OTUD7A: variants seen among roughly 807,000 people sequenced by gnomAD.
The protein encoded by OTUD7A is OTU deubiquitinase 7A.
Under a neutral mutation model 65.7 loss-of-function variants are expected in OTUD7A, and 12 were observed. The ratio of observed to expected loss-of-function variants is 0.18; its 90% CI spans 0.12 to 0.30. The LOEUF is 0.30. Among genes scored for constraint, OTUD7A ranks in the 10% least tolerant of loss-of-function variants. OTUD7A has a pLI of 1.00. For missense variants in OTUD7A, 1,148 were observed against 1,304.8 expected (o/e 0.88, Z 1.85); for synonymous variants, 641 against 586.3 (o/e 1.09, Z -1.35).
intron 1 of OTUD7A, among the ~76,000 whole-genome samples, chr15:31,796,070 C>A (rs1895945143): frequency 6.6e-6 from 1 of 151,998 alleles, no homozygotes; most frequent in African/African-American, 2.4e-5. Context: ...GCAGGGATCA[C>A]CACCATATGC....
chr15:31,737,986 T>C (rs966876135), intron 1 of OTUD7A, among the ~76,000 whole-genome samples: 3 of 152,250 alleles, frequency 2.0e-5, no homozygotes, highest in South Asian at 4.1e-4. Flanking sequence ...TAGTATCTGT[T>C]AGCTCAAGGA....
At chr15:31,652,373 GA>G (rs1200266813) in intron 3 of OTUD7A, among the ~76,000 whole-genome samples, 1 of 152,176 alleles carries the variant, frequency 6.6e-6, no homozygotes, top group Non-Finnish European at 1.5e-5. Flanking sequence ...TGTAAAACAT[GA>G]AAGTATAAAA....
intron 1 of OTUD7A, among the ~76,000 whole-genome samples, chr15:31,829,109 G>C (rs1232310188): frequency 2.0e-5 from 3 of 152,220 alleles, no homozygotes; most frequent in Non-Finnish European, 4.4e-5. Flanking sequence ...ACAGAAAGGT[G>C]AACACAGGCA....
At chr15:31,816,816 A>G (rs1896561452) in intron 1 of OTUD7A, among the ~76,000 whole-genome samples, 1 of 152,252 alleles carries the variant, frequency 6.6e-6, no homozygotes, top group African/African-American at 2.4e-5. Context: ...TATTAGATTT[A>G]TAACTGTGTT....
intron 3 of OTUD7A, among the ~76,000 whole-genome samples, chr15:31,579,624 T>C (rs898489790): frequency 6.6e-6 from 1 of 152,230 alleles, no homozygotes; most frequent in African/African-American, 2.4e-5. Flanking sequence ...CAGATCGTGA[T>C]TGACCACAGG....
intron 1 of OTUD7A, among the ~76,000 whole-genome samples, chr15:31,812,342 C>A (rs925935549): frequency 6.6e-6 from 1 of 152,278 alleles, no homozygotes; most frequent in East Asian, 1.9e-4. Context: ...CCTTCAGCTA[C>A]GCCTTCCAAG....
In OTUD7A at chr15:31,727,446, C is replaced by T. The variant is rs73376593; in HGVS notation, c.-99-70369G>A. ...TTTTTTCCCCACTGCTGTCTCAGAC[C>T]TTTAGTATTCAATAGGTATTTTAGA... is the stretch of plus-strand genomic sequence containing the variant. On this transcript the variant is annotated intron_variant, in intron 1 of 12. Coordinates refer to ENST00000307050, the MANE Select transcript of OTUD7A (RefSeq NM_001382637.1). 7.8e-3 allele frequency among the ~76,000 whole-genome samples: 1,182 copies of T among 152,220 alleles called. 17 individuals are homozygous for T. Among genetic ancestry groups the T allele is most frequent in the African/African-American group, 0.027 (1,117 of 41,534 alleles).
intron 1 of OTUD7A, among the ~76,000 whole-genome samples, chr15:31,676,177 C>A (rs986008365): frequency 6.6e-6 from 1 of 152,164 alleles, no homozygotes; most frequent in Non-Finnish European, 1.5e-5. Context: ...ACAGAAAATG[C>A]AGAGATGTGT....
chr15:31,818,014 C>T (rs1252375763), intron 1 of OTUD7A, among the ~76,000 whole-genome samples: 1 of 152,178 alleles, frequency 6.6e-6, no homozygotes, highest in African/African-American at 2.4e-5. Context: ...TCTCTTCTGC[C>T]ATGTGAGGAT....
chr15:31,563,572 C>T (rs1280487846), intron 4 of OTUD7A, among the ~76,000 whole-genome samples: 2 of 152,190 alleles, frequency 1.3e-5, no homozygotes, highest in African/African-American at 4.8e-5. Flanking sequence ...TCCAGCATGG[C>T]CTGCCTTCCC....
intron 8 of OTUD7A, among the ~76,000 whole-genome samples, chr15:31,509,419 C>T (rs1159242419): frequency 2.0e-5 from 3 of 152,056 alleles, no homozygotes; most frequent in African/African-American, 4.8e-5. Context: ...GCTGGGACTA[C>T]AGGTGCCTGC....
At chr15:31,721,045 C>CTGTAGTAG (rs1893723340) in intron 1 of OTUD7A, among the ~76,000 whole-genome samples, 1 of 152,196 alleles carries the variant, frequency 6.6e-6, no homozygotes, top group Non-Finnish European at 1.5e-5. Context: ...ACCACATAGC[C>CTGTAGTAG]TAGGCATGTA....
At chr15:31,714,275 C>T (rs1229931988) in intron 1 of OTUD7A, among the ~76,000 whole-genome samples, 18 of 152,142 alleles carry the variant, frequency 1.2e-4, no homozygotes, top group Non-Finnish European at 2.2e-4. Context: ...TACTCACACA[C>T]GGACAAATAG....
chr15:31,746,124 G>A (rs1451025157), intron 1 of OTUD7A, among the ~76,000 whole-genome samples: 1 of 152,172 alleles, frequency 6.6e-6, no homozygotes, highest in Non-Finnish European at 1.5e-5. Flanking sequence ...AAAAAGATAT[G>A]ATAGCTTTCT....
rs369189565 is a variant in OTUD7A, at chr15:31,732,319, G to A, written c.-99-75242C>T. Among the ~76,000 whole-genome samples, 4 of 152,344 alleles carry A rather than the reference G, an allele frequency of 2.6e-5. No homozygotes were observed. The South Asian group carries it at 8.3e-4, about 32-fold the overall frequency. On this transcript the variant is annotated intron_variant, in intron 1 of 12. Coordinates refer to ENST00000307050, the MANE Select transcript of OTUD7A (RefSeq NM_001382637.1). ...TGTCTCCTCTGTCCCTGGCTCTGCTGTGGATAACTTTGAGGAAAATGAGGC... is the reference window on the plus strand; with the variant it reads ...TGTCTCCTCTGTCCCTGGCTCTGCTATGGATAACTTTGAGGAAAATGAGGC...
chr15:31,729,576 C>T (rs1350105008), intron 1 of OTUD7A, among the ~76,000 whole-genome samples: 2 of 152,148 alleles, frequency 1.3e-5, no homozygotes, highest in Admixed American at 6.5e-5. Context: ...TTTACCTTCA[C>T]GGGCATTCCA....
At chr15:31,667,946 C>A (rs1440732826) in intron 1 of OTUD7A, among the ~76,000 whole-genome samples, 2 of 152,134 alleles carry the variant, frequency 1.3e-5, no homozygotes, top group African/African-American at 4.8e-5. Context: ...AAAATGGTTT[C>A]ATTTGAGGAT....
chr15:31,507,609 C>T lies in OTUD7A; in HGVS notation c.894-3791G>A, dbSNP rs1459406516. On this transcript the variant is annotated intron_variant, in intron 8 of 12. Transcript: ENST00000307050. ...AGGTTCTAAACCATGGAACAGGACC[C>T]GAGCAGGTTGCTGCCGCTGCTGGCT... 2.8e-5 allele frequency among the ~76,000 whole-genome samples: 4 copies of T among 143,472 alleles called. No homozygotes were observed. The East Asian group carries it at 6.2e-4, about 22-fold the overall frequency. 94.1% of individuals were successfully genotyped at this position (143,472 alleles called of 152,430 possible).
At chr15:31,687,121 C>A (rs906399801) in intron 1 of OTUD7A, among the ~76,000 whole-genome samples, 8 of 139,552 alleles carry the variant, frequency 5.7e-5, no homozygotes, top group African/African-American at 1.0e-4. Context: ...AAAAAAAAAA[C>A]CACACATAAT....
Sources: allele counts gnomAD v4.1 joint callset (sites outside exome capture counted in the v4.1 genomes callset), GRCh38; gene constraint gnomAD v4.1.1; transcripts MANE v1.5; gene names NCBI Gene and HGNC (gene_info 2026-07-23, HGNC 2026-07-21).